The following SP100 variants were observed in gnomAD, a reference collection of about 807,000 sequenced individuals.
SP100 encodes the protein nuclear autoantigen Sp-100.
Under a neutral mutation model 130.0 loss-of-function variants are expected in SP100, and 84 were observed. The observed-to-expected ratio is 0.65, with a 90% CI of 0.54 to 0.77. The LOEUF is 0.77. Ranked by LOEUF, SP100 falls within the 30% of genes least tolerant of loss-of-function variation. The pLI, the probability that SP100 is intolerant of heterozygous loss-of-function variation, is 0.00. For synonymous variants in SP100, 331 were observed against 351.7 expected, an observed-to-expected ratio of 0.94 and a Z score of 0.66; for missense variants, 978 against 1,052.2, an observed-to-expected ratio of 0.93 and a Z score of 0.97.
chr2:230,438,636 G>A (rs1559487677), intron 2 of SP100, among the ~76,000 whole-genome samples: 2 of 89,522 alleles, frequency 2.2e-5, no homozygotes, highest in East Asian at 2.2e-4. Context: ...AGTACTCCAT[G>A]GTGTATATAT....
At chr2:230,485,689 A>T (rs563454551) in intron 17 of SP100, among the ~76,000 whole-genome samples, 1 of 151,916 alleles carries the variant, frequency 6.6e-6, no homozygotes, top group Non-Finnish European at 1.5e-5. Flanking sequence ...ATTTATTTTC[A>T]ATGTTTTGTA....
chr2:230,520,668 T>C (rs1345915122), intron 24 of SP100: 2 of 152,150 alleles, frequency 1.3e-5, no homozygotes, highest in Non-Finnish European at 2.9e-5. Flanking sequence ...TTGACGAAAA[T>C]TTAGCCTGTT....
At chr2:230,467,246 T>C (rs779941263) in intron 13 of SP100, 31 bp downstream of exon 13, 1 of 1,488,872 alleles carries the variant, frequency 6.7e-7, no homozygotes. Flanking sequence ...TTCAGGGCTC[T>C]GACTTCAGAG....
chr2:230,452,483 G>A (rs924703510), intron 8 of SP100, among the ~76,000 whole-genome samples: 22 of 152,104 alleles, frequency 1.4e-4, no homozygotes, highest in African/African-American at 4.8e-4. Flanking sequence ...GCCGCCATTG[G>A]AATTTTTATA....
intron 24 of SP100, chr2:230,514,936 T>C: frequency 8.2e-7 from 1 of 1,226,238 alleles, no homozygotes. Context: ...TGCAGTACAT[T>C]GAGCTCCATA....
At position 230,449,164 on chromosome 2, in the gene SP100, T is replaced by G; in HGVS notation, c.586+14T>G. On this transcript the variant is annotated intron_variant, in intron 6 of 28. Transcript: ENST00000340126. ...CATCTCATGCTGGTTTGTTCCTGTT[T>G]ACTACTCTTTGAGCCTCTGCTATTC... 6.2e-7 allele frequency: 1 copy of G among 1,613,828 alleles called. No homozygotes were observed. Among genetic ancestry groups the G allele is most frequent in the Non-Finnish European group, 8.5e-7 (1 of 1,179,680 alleles).
chr2:230,538,561 A>C (rs1400127821), intron 24 of SP100: 1 of 152,164 alleles, frequency 6.6e-6, no homozygotes, highest in Non-Finnish European at 1.5e-5. Flanking sequence ...TGCAGCCTAG[A>C]ATTGTTTTTA....
chr2:230,495,174 A>T (rs562168502), intron 18 of SP100, among the ~76,000 whole-genome samples: 17 of 152,310 alleles, frequency 1.1e-4, no homozygotes, highest in South Asian at 1.0e-3. Context: ...ATGAGGGAAC[A>T]GGAGGAAGTG....
rs755233165 is a variant in SP100, at chr2:230,515,462, A to C, written c.2094+4296A>C. On this transcript the variant is annotated intron_variant, in intron 24 of 28. Coordinates refer to ENST00000340126, the MANE Select transcript of SP100 (RefSeq NM_001080391.2). The stretch of plus-strand genomic sequence containing the variant: ...GCTGACAAGCAGTTTTATGAAAAGA[A>C]GGCTGCAAAGCTGAAGGAAAAATAC... The C allele has an allele frequency of 4.7e-5, 76 of 1,613,748 alleles. No individual in the cohort carries two copies. The African/African-American group carries it at 9.3e-4, about 20-fold the overall frequency.
chr2:230,496,055 C>A (rs1030703139), intron 18 of SP100, among the ~76,000 whole-genome samples: 1 of 152,038 alleles, frequency 6.6e-6, no homozygotes. Context: ...TATTTCTATA[C>A]CTATCTGTCA....
At chr2:230,508,444 T>C (rs964383034) in intron 23 of SP100, 2 of 156,634 alleles carry the variant, frequency 1.3e-5, no homozygotes, top group Non-Finnish European at 2.8e-5. Context: ...GCCTCCCCAG[T>C]AGCTGGGACT....
intron 2 of SP100, among the ~76,000 whole-genome samples, chr2:230,439,945 A>G (rs1346490423): frequency 6.6e-6 from 1 of 152,082 alleles, no homozygotes; most frequent in African/African-American, 2.4e-5. Context: ...AGTGTTACAT[A>G]AGGTTTTATA....
intron 17 of SP100, among the ~76,000 whole-genome samples, chr2:230,491,730 T>C (rs1187290856): frequency 6.6e-6 from 1 of 152,006 alleles, no homozygotes; most frequent in Non-Finnish European, 1.5e-5. Flanking sequence ...ACCAGGCCCC[T>C]CCCCCAACAC....
intron 2 of SP100, among the ~76,000 whole-genome samples, chr2:230,427,227 T>C (rs1417426870): frequency 5.3e-5 from 8 of 152,144 alleles, no homozygotes; most frequent in Admixed American, 4.6e-4. Flanking sequence ...AGTGGTGCTA[T>C]CTCGGCTTAT....
chr2:230,528,152 A>G (rs956875288), intron 24 of SP100, among the ~76,000 whole-genome samples: 2 of 152,224 alleles, frequency 1.3e-5, no homozygotes, highest in Non-Finnish European at 2.9e-5. Flanking sequence ...CATCACACCT[A>G]TTCTAGAAGT....
intron 17 of SP100, among the ~76,000 whole-genome samples, chr2:230,477,651 T>C (rs1231145426): frequency 6.6e-6 from 1 of 152,154 alleles, no homozygotes; most frequent in East Asian, 1.9e-4. Context: ...TTGAAGGCAC[T>C]ACAGAAAAGA....
chr2:230,504,279 G>A lies in SP100; in HGVS notation c.1859G>A (p.Arg620Gln), dbSNP rs770957115. 45 of 1,593,436 alleles carry A rather than the reference G, an allele frequency of 2.8e-5. No individual in the cohort carries two copies. The South Asian group carries it at 3.5e-4, about 12-fold the overall frequency. ...GEVKGTLYKE[R>Q]FKQGTSKKCI... ...GTGAAGGGCACTCTATATAAGGAGCGATTCAAACAAGGTGAGTTTACTGGT... is the reference window on the plus strand; with the variant it reads ...GTGAAGGGCACTCTATATAAGGAGCAATTCAAACAAGGTGAGTTTACTGGT... The change falls in exon 21 of 29, where the codon CGA becomes CAA. Residue 620 changes from arginine to glutamine, a missense_variant. Transcript: ENST00000340126.
rs565893478 is a variant in SP100 at position 230,522,331 on chromosome 2, A to G, written c.2094+11165A>G. 2.0e-5 allele frequency among the ~76,000 whole-genome samples: 3 copies of G among 152,282 alleles called. No homozygotes were observed. The East Asian group carries it at 5.8e-4, about 29-fold the overall frequency. On this transcript the variant is annotated intron_variant, in intron 24 of 28. Coordinates refer to ENST00000340126, the MANE Select transcript of SP100 (RefSeq NM_001080391.2). ...TCTTTCATAATACTGTTTAGCCCCA[A>G]TATTCTTTGGAATCTGGAGTTTGTT...
Position 230,543,660 on chromosome 2 carries a change from G to A in SP100, c.*714G>A, listed in dbSNP as rs1368445152. The A allele has an allele frequency of 6.6e-6, 1 of 152,098 alleles. No homozygotes were observed. Among genetic ancestry groups the A allele is most frequent in the Non-Finnish European group, 1.5e-5 (1 of 68,014 alleles). The allele number at this position is 152,098 out of a possible 1,614,324, so 9.4% of individuals were successfully genotyped here. On this transcript the variant is annotated 3_prime_UTR_variant, in exon 29 of 29. Coordinates refer to ENST00000340126, the MANE Select transcript of SP100 (RefSeq NM_001080391.2). ...AACACTGCTCAAAGAGATTGGAGAT[G>A]ACACAAACAAATGGAAAAACATCCC... is the stretch of plus-strand genomic sequence containing the variant.
Sources: gnomAD v4.1 joint callset for allele counts (sites outside exome capture counted in the v4.1 genomes callset) on GRCh38, gnomAD v4.1.1 for gene constraint, MANE v1.5 for transcripts, NCBI Gene and HGNC (gene_info 2026-07-23, HGNC 2026-07-21) for gene names.